The following STXBP6 variants were observed in gnomAD, a reference collection of about 807,000 sequenced individuals.
STXBP6 encodes the protein syntaxin binding protein 6.
A neutral mutation model predicts 26.9 loss-of-function variants in STXBP6; 21 were observed. The observed-to-expected ratio is 0.78, with a 90% CI of 0.55 to 1.12. STXBP6 has a LOEUF of 1.12. STXBP6 is among the 50% of genes most tolerant of loss of function. STXBP6 has a pLI of 0.00. For synonymous variants in STXBP6, 97 were observed against 92.6 expected (o/e 1.05, Z -0.27); for missense variants, 232 against 257.9 (o/e 0.90, Z 0.69).
chr14:24,849,204 C>T (rs977219645), intron 4 of STXBP6, among the ~76,000 whole-genome samples: 3 of 151,960 alleles, frequency 2.0e-5, no homozygotes, highest in Non-Finnish European at 4.4e-5. Flanking sequence ...TCTGAAAGAA[C>T]TTTCATTTAA....
chr14:24,925,264 T>C (rs1189682598), intron 2 of STXBP6, among the ~76,000 whole-genome samples: 1 of 152,198 alleles, frequency 6.6e-6, no homozygotes, highest in South Asian at 2.1e-4. Context: ...AAGATGCACA[T>C]AGATGAACAA....
chr14:24,895,787 T>A (rs1241587), intron 2 of STXBP6, among the ~76,000 whole-genome samples: 51,342 of 152,062 alleles, frequency 0.34, 8,788 homozygotes, highest in African/African-American at 0.41. Flanking sequence ...CTTCCTTCAT[T>A]AGTTGTGTTA....
rs562692635 is a variant in STXBP6, at chr14:24,934,528, C to A, written c.154+40137G>T. ...TCTCATCACCTCTTGAAAAGGATAA[C>A]AGACATTCCATGATGACATCCAGCC... On this transcript the variant is annotated intron_variant, in intron 2 of 5. Transcript: ENST00000323944. Among the ~76,000 whole-genome samples, 4 of 152,214 alleles carry A rather than the reference C, an allele frequency of 2.6e-5. No homozygotes were observed. In the South Asian group the frequency reaches 8.3e-4, roughly 32 times the overall value.
At chr14:24,958,052 A>T (rs1458104379) in intron 2 of STXBP6, among the ~76,000 whole-genome samples, 1 of 152,246 alleles carries the variant, frequency 6.6e-6, no homozygotes, top group Non-Finnish European at 1.5e-5. Context: ...AAAGAACTCT[A>T]TCTTTTTAAA....
chr14:25,026,286 A>C (rs75182449), intron 1 of STXBP6, among the ~76,000 whole-genome samples: 2,117 of 152,290 alleles, frequency 0.014, 42 homozygotes, highest in African/African-American at 0.046. Flanking sequence ...CAAAAAGAGA[A>C]TCTCAAGGGA....
chr14:25,005,719 C>T (rs2074877318), intron 1 of STXBP6, among the ~76,000 whole-genome samples: 2 of 149,504 alleles, frequency 1.3e-5, no homozygotes, highest in Non-Finnish European at 3.0e-5. Context: ...TTTATTACTC[C>T]AATATTGGAA....
At chr14:24,928,526 C>A (rs796733480) in intron 2 of STXBP6, among the ~76,000 whole-genome samples, 2 of 152,144 alleles carry the variant, frequency 1.3e-5, no homozygotes, top group Admixed American at 1.3e-4. Context: ...TATTAACAAC[C>A]TCATACTGTG....
intron 2 of STXBP6, among the ~76,000 whole-genome samples, chr14:24,882,098 G>T (rs975737274): frequency 2.6e-5 from 4 of 151,674 alleles, no homozygotes; most frequent in African/African-American, 9.7e-5. Flanking sequence ...AGGGGCTTTC[G>T]GCCGGGCGCG....
intron 1 of STXBP6, among the ~76,000 whole-genome samples, chr14:24,997,613 C>T (rs2074638093): frequency 6.6e-6 from 1 of 152,198 alleles, no homozygotes; most frequent in East Asian, 1.9e-4. Context: ...CGCCCTACTC[C>T]TAAAGAGCAC....
intron 3 of STXBP6, 39 bp from the exon 4 acceptor site, chr14:24,856,140 T>C (rs779882045): frequency 1.3e-6 from 2 of 1,528,762 alleles, no homozygotes; most frequent in East Asian, 2.3e-5. Flanking sequence ...TCTCAATCTA[T>C]AAAAACTGCT....
chr14:24,933,443 G>A (rs1295444494), intron 2 of STXBP6, among the ~76,000 whole-genome samples: 4 of 152,130 alleles, frequency 2.6e-5, no homozygotes, highest in African/African-American at 9.7e-5. Flanking sequence ...AGTATCCAGA[G>A]GTCGAAAGGG....
At chr14:25,012,264 C>T (rs1210016416) in intron 1 of STXBP6, among the ~76,000 whole-genome samples, 1 of 152,146 alleles carries the variant, frequency 6.6e-6, no homozygotes, top group Non-Finnish European at 1.5e-5. Flanking sequence ...TCTTAGGACG[C>T]CTTTACACTC....
intron 5 of STXBP6, among the ~76,000 whole-genome samples, chr14:24,813,468 C>T (rs1199529314): frequency 6.6e-6 from 1 of 152,086 alleles, no homozygotes; most frequent in Admixed American, 6.6e-5. Flanking sequence ...CTTTTCTTAG[C>T]CAGATCTTTT....
intron 4 of STXBP6, among the ~76,000 whole-genome samples, chr14:24,831,995 C>T (rs1566390171): frequency 6.6e-6 from 1 of 152,112 alleles, no homozygotes; most frequent in Non-Finnish European, 1.5e-5. Flanking sequence ...TTTCAACTTA[C>T]TCTAGGTCTT....
chr14:25,012,641 C>T (rs763185193), intron 1 of STXBP6, among the ~76,000 whole-genome samples: 22 of 152,074 alleles, frequency 1.4e-4, no homozygotes, highest in Non-Finnish European at 2.8e-4. Context: ...AACATACATT[C>T]CAATAGTCAA....
chr14:24,954,782 C>G (rs541039555), intron 2 of STXBP6, among the ~76,000 whole-genome samples: 2 of 152,312 alleles, frequency 1.3e-5, no homozygotes, highest in Admixed American at 1.3e-4. Flanking sequence ...CTTTCACTGA[C>G]AGAAAAATTC....
Position 24,983,435 on chromosome 14 carries a change from CAT to C in STXBP6, c.-32-8587_-32-8586del, listed in dbSNP as rs1352187974. On this transcript the variant is annotated intron_variant, in intron 1 of 5. Coordinates refer to ENST00000323944, the MANE Select transcript of STXBP6 (RefSeq NM_001394410.1). Reference sequence around the variant, plus strand: ...AAAAGCCACATAAAGATTGACTTAACATGAAAATAAACATTTTAATTATCTGC... The same window carrying C: ...AAAAGCCACATAAAGATTGACTTAACGAAAATAAACATTTTAATTATCTGC... Among the ~76,000 whole-genome samples the C allele has an allele frequency of 5.3e-5, 8 of 152,190 alleles. No homozygotes were observed. The East Asian group carries it at 1.3e-3, about 26-fold the overall frequency.
In STXBP6 at chr14:24,819,425, T is replaced by C. The variant is rs141662131; in HGVS notation, c.452-231A>G. On this transcript the variant is annotated intron_variant, in intron 4 of 5. Coordinates refer to ENST00000323944, the MANE Select transcript of STXBP6 (RefSeq NM_001394410.1). The stretch of plus-strand genomic sequence containing the variant: ...TAGGAAAATCCTAAATGCTTCTCTA[T>C]AAACTCATCACTGACATGCCAGTCA... 6.6e-4 allele frequency: 394 copies of C among 599,676 alleles called. 2 individuals carry two copies. The highest frequency in any genetic ancestry group is 6.2e-3 in the African/African-American group (334 of 54,072). 37.1% of individuals were successfully genotyped at this position (599,676 alleles called of 1,614,324 possible).
intron 2 of STXBP6, among the ~76,000 whole-genome samples, chr14:24,904,141 C>T (rs528877399): frequency 5.3e-5 from 8 of 152,236 alleles, no homozygotes; most frequent in East Asian, 3.9e-4. Context: ...CCTTGTCACT[C>T]GCTCATATGA....
Sources: gnomAD v4.1 joint callset for allele counts (sites outside exome capture counted in the v4.1 genomes callset) on GRCh38, gnomAD v4.1.1 for gene constraint, MANE v1.5 for transcripts, NCBI Gene and HGNC (gene_info 2026-07-23, HGNC 2026-07-21) for gene names.